RABGAP1L: variants seen among roughly 807,000 people sequenced by gnomAD.
RABGAP1L encodes the protein rab GTPase-activating protein 1-like.
Under a neutral mutation model 137.7 loss-of-function variants are expected in RABGAP1L, and 63 were observed. The observed-to-expected ratio is 0.46, with a 90% CI of 0.37 to 0.56. The LOEUF (loss-of-function observed/expected upper bound fraction) is 0.56. RABGAP1L is among the 20% of genes least tolerant of loss of function. RABGAP1L has a pLI of 0.00. For synonymous variants in RABGAP1L, 431 were observed against 433.7 expected (o/e 0.99, Z 0.08); for missense variants, 1,095 against 1,244.0 (o/e 0.88, Z 1.80).
chr1:174,218,915 A>C (rs1341462041), intron 1 of RABGAP1L, among the ~76,000 whole-genome samples: 1 of 152,178 alleles, frequency 6.6e-6, no homozygotes, highest in East Asian at 1.9e-4. Context: ...ATATGGCTCT[A>C]TTAGTCTGGA....
intron 20 of RABGAP1L, 130 bp downstream of exon 20, chr1:174,957,679 G>A (rs1175749752): frequency 4.4e-6 from 4 of 902,654 alleles, no homozygotes; most frequent in Non-Finnish European, 7.0e-6. Context: ...AGTCTCCCAA[G>A]TAGCTGGGAT....
intron 13 of RABGAP1L, among the ~76,000 whole-genome samples, chr1:174,494,957 C>T (rs1660606946): frequency 6.6e-6 from 1 of 152,134 alleles, no homozygotes; most frequent in Non-Finnish European, 1.5e-5. Context: ...TTCTACAGGG[C>T]AGGGAAGACA....
At position 174,990,170 on chromosome 1, in the gene RABGAP1L, A is replaced by T; in HGVS notation, c.*169A>T. ...GACACTTTTCAAAGGGATGCTATTT[A>T]AACTGACCTGTTCTATGTTGAATAC... is the stretch of plus-strand genomic sequence containing the variant. On this transcript the variant is annotated 3_prime_UTR_variant, in exon 26 of 26. Coordinates refer to ENST00000681986, the MANE Select transcript of RABGAP1L (RefSeq NM_001366446.1). The T allele has an allele frequency of 1.2e-6, 1 of 850,688 alleles. No homozygotes were observed. Among genetic ancestry groups the T allele is most frequent in the South Asian group, 1.9e-5 (1 of 54,026 alleles). The allele number at this position is 850,688 out of a possible 1,614,324, so 52.7% of individuals were successfully genotyped here.
chr1:174,522,558 G>T (rs887598023), intron 13 of RABGAP1L, among the ~76,000 whole-genome samples: 2 of 151,780 alleles, frequency 1.3e-5, no homozygotes, highest in African/African-American at 4.8e-5. Flanking sequence ...GGTGAGGGGA[G>T]GGAGACGAGG....
At chr1:174,472,072 C>T (rs1571956238) in intron 13 of RABGAP1L, among the ~76,000 whole-genome samples, 2 of 152,182 alleles carry the variant, frequency 1.3e-5, no homozygotes, top group African/African-American at 4.8e-5. Flanking sequence ...GAGTCCTCAC[C>T]AGGAATGGAA....
At chr1:174,239,698 T>C (rs1671619333) in intron 4 of RABGAP1L, among the ~76,000 whole-genome samples, 1 of 152,218 alleles carries the variant, frequency 6.6e-6, no homozygotes, top group Non-Finnish European at 1.5e-5. Flanking sequence ...TGCTGTAGCT[T>C]CAGTGGCTAG....
chr1:174,951,331 T>C (rs1257711864), intron 19 of RABGAP1L, among the ~76,000 whole-genome samples: 1 of 152,226 alleles, frequency 6.6e-6, no homozygotes, highest in Admixed American at 6.5e-5. Context: ...CATTTCTGTA[T>C]GATCTTGGGC....
At chr1:174,693,357 AGTT>A (rs1679008873) in intron 15 of RABGAP1L, among the ~76,000 whole-genome samples, 2 of 152,350 alleles carry the variant, frequency 1.3e-5, no homozygotes, top group South Asian at 4.1e-4. Flanking sequence ...TCTGTGAACC[AGTT>A]GTTAAGCACA....
At chr1:174,254,919 T>G (rs919409525) in intron 7 of RABGAP1L, among the ~76,000 whole-genome samples, 1 of 152,236 alleles carries the variant, frequency 6.6e-6, no homozygotes, top group African/African-American at 2.4e-5. Flanking sequence ...CCACACTGTC[T>G]TCCACAATGG....
chr1:174,552,130 G>A (rs1666586885), intron 13 of RABGAP1L, among the ~76,000 whole-genome samples: 1 of 152,086 alleles, frequency 6.6e-6, no homozygotes, highest in Non-Finnish European at 1.5e-5. Flanking sequence ...ATTTTGGCAT[G>A]GCACATGATC....
intron 7 of RABGAP1L, among the ~76,000 whole-genome samples, chr1:174,260,495 T>C (rs1161702742): frequency 6.6e-6 from 1 of 152,098 alleles, no homozygotes; most frequent in Non-Finnish European, 1.5e-5. Context: ...GCAAGATCAT[T>C]GTATATGAAA....
At chr1:174,420,869 G>A (rs1041560481) in intron 13 of RABGAP1L, among the ~76,000 whole-genome samples, 9 of 151,998 alleles carry the variant, frequency 5.9e-5, no homozygotes, top group Admixed American at 5.9e-4. Flanking sequence ...TAGAGATGGG[G>A]TTTCACCGTG....
chr1:174,236,670 A>C (rs1485903713), intron 4 of RABGAP1L, among the ~76,000 whole-genome samples: 1 of 139,588 alleles, frequency 7.2e-6, no homozygotes, highest in Non-Finnish European at 1.6e-5. Context: ...ACATTTGCTG[A>C]GGAGAGCTTT....
intron 19 of RABGAP1L, among the ~76,000 whole-genome samples, chr1:174,822,087 C>G (rs895858722): frequency 1.3e-5 from 2 of 152,124 alleles, no homozygotes; most frequent in Admixed American, 6.5e-5. Context: ...ACAGTGAAAC[C>G]CTGTCTCTAC....
intron 13 of RABGAP1L, among the ~76,000 whole-genome samples, chr1:174,408,097 G>C (rs1649486625): frequency 6.6e-6 from 1 of 151,996 alleles, no homozygotes; most frequent in Admixed American, 6.6e-5. Flanking sequence ...AGATTCAGGG[G>C]GTACATATGC....
chr1:174,584,829 T>C (rs1446403439), intron 13 of RABGAP1L, among the ~76,000 whole-genome samples: 2 of 129,486 alleles, frequency 1.5e-5, no homozygotes, highest in East Asian at 4.1e-4. Context: ...AAAAGATGTA[T>C]GTGTATGTGT....
Position 174,555,464 on chromosome 1 carries a change from A to C in RABGAP1L, c.1711-81911A>C, listed in dbSNP as rs541393385. ...TGGTCTAATTATATGTAGTGTTGTA[A>C]GTATGTCTCAGGATTCATTCAACAA... On this transcript the variant is annotated intron_variant, in intron 13 of 25. Coordinates refer to ENST00000681986, the MANE Select transcript of RABGAP1L (RefSeq NM_001366446.1). 3.3e-5 allele frequency among the ~76,000 whole-genome samples: 5 copies of C among 152,336 alleles called. No homozygotes were observed. The South Asian group carries it at 1.0e-3, about 32-fold the overall frequency.
chr1:174,849,669 T>C (rs1647904569), intron 19 of RABGAP1L: 2 of 410,984 alleles, frequency 4.9e-6, no homozygotes, highest in Admixed American at 6.4e-5. Flanking sequence ...TGTGATTTTC[T>C]TCATTTTGAT....
chr1:174,470,557 A>G (rs1393030098), intron 13 of RABGAP1L, among the ~76,000 whole-genome samples: 1 of 152,182 alleles, frequency 6.6e-6, no homozygotes, highest in African/African-American at 2.4e-5. Context: ...ACCTGAGGTC[A>G]GGAGTTCGAG....
Sources: allele counts gnomAD v4.1 joint callset (sites outside exome capture counted in the v4.1 genomes callset), GRCh38; gene constraint gnomAD v4.1.1; transcripts MANE v1.5; gene names NCBI Gene and HGNC (gene_info 2026-07-23, HGNC 2026-07-21).